The following RBM19 variants were observed in gnomAD, a reference collection of about 807,000 sequenced individuals.
The protein encoded by RBM19 is probable RNA-binding protein 19.
Under a neutral mutation model 116.8 loss-of-function variants are expected in RBM19, and 94 were observed. The observed-to-expected ratio is 0.80, with a 90% confidence interval of 0.68 to 0.95. The LOEUF is 0.95. RBM19 is among the 40% of genes least tolerant of loss of function. The pLI, the probability that RBM19 is intolerant of heterozygous loss-of-function variation, is 0.00. For synonymous variants in RBM19, 475 were observed against 494.1 expected, an observed-to-expected ratio of 0.96 and a Z score of 0.51; for missense variants, 1,161 against 1,220.7, an observed-to-expected ratio of 0.95 and a Z score of 0.73.
At chr12:113,885,575 G>A in intron 21 of RBM19, among the ~76,000 whole-genome samples, 1 of 152,050 alleles carries the variant, frequency 6.6e-6, no homozygotes. Flanking sequence ...TTAATTTCCT[G>A]GTTTTGATAA....
At chr12:113,918,186 A>AACACTG (rs1318959540) in intron 20 of RBM19, among the ~76,000 whole-genome samples, 3 of 152,308 alleles carry the variant, frequency 2.0e-5, no homozygotes, top group African/African-American at 7.2e-5. Flanking sequence ...CCAAAGGACT[A>AACACTG]ACACTGTTGT....
downstream of RBM19, among the ~76,000 whole-genome samples, chr12:113,820,910 C>T (rs1183355790): frequency 2.0e-5 from 3 of 151,886 alleles, no homozygotes; most frequent in African/African-American, 7.3e-5. Flanking sequence ...CCCAGCTCAC[C>T]AGCTTTCTTT....
intron 21 of RBM19, among the ~76,000 whole-genome samples, chr12:113,873,689 T>TAAAAAAAAAAAAAAAAAAA (rs146761765): frequency 7.8e-6 from 1 of 127,692 alleles, no homozygotes; most frequent in Non-Finnish European, 1.6e-5. Context: ...AAAAATAAAT[T>TAAAAAAAAAAAAAAAAAAA]AAAAAAAAAA....
In RBM19 at chr12:113,875,335, T is replaced by C. The variant is rs537618958; in HGVS notation, c.2559-16439A>G. 1.1e-3 allele frequency among the ~76,000 whole-genome samples: 167 copies of C among 152,104 alleles called. 2 individuals are homozygous for C. Among genetic ancestry groups the C allele is most frequent in the African/African-American group, 3.9e-3 (163 of 41,484 alleles). On this transcript the variant is annotated intron_variant, in intron 21 of 23. Transcript: ENST00000261741. ...GGAAGGGTTGAAATGAATCTGCGAG[T>C]TGGACCATTTGTTTGAGGCCAAATA...
At chr12:113,932,446 AC>A (rs1869687993) in intron 16 of RBM19, 1 of 152,196 alleles carries the variant, frequency 6.6e-6, no homozygotes, top group Admixed American at 6.5e-5. Context: ...AGATAAGACA[AC>A]CCAGTGTGGG....
chr12:113,952,043 A>G (rs1390428130), intron 8 of RBM19, among the ~76,000 whole-genome samples: 1 of 152,202 alleles, frequency 6.6e-6, no homozygotes, highest in Non-Finnish European at 1.5e-5. Flanking sequence ...CACACTGCTC[A>G]TCTCAGGATG....
intron 21 of RBM19, among the ~76,000 whole-genome samples, chr12:113,906,055 GC>G (rs1478969070): frequency 6.6e-6 from 1 of 152,214 alleles, no homozygotes; most frequent in Non-Finnish European, 1.5e-5. Flanking sequence ...TTGGAAACCT[GC>G]CTGGAAATAA....
At chr12:113,886,679 C>CTTTTGTTTTTGTTTTTGT (rs10622695) in intron 21 of RBM19, among the ~76,000 whole-genome samples, 2 of 151,526 alleles carry the variant, frequency 1.3e-5, no homozygotes, top group South Asian at 2.1e-4. Context: ...TTTGTTTTTG[C>CTTTTGTTTTTGTTTTTGT]TTTTGTTTTT....
At chr12:113,948,181 T>C (rs762678049) in intron 10 of RBM19, among the ~76,000 whole-genome samples, 3 of 152,254 alleles carry the variant, frequency 2.0e-5, no homozygotes, top group Non-Finnish European at 2.9e-5. Context: ...AGCTGGCCTC[T>C]GAATAGACAT....
At chr12:113,915,113 G>T in intron 20 of RBM19, 28 bp from the exon 21 acceptor site, 1 of 1,562,702 alleles carries the variant, frequency 6.4e-7, no homozygotes. Flanking sequence ...GAGGGTCCAA[G>T]TTATTCGGAG....
chr12:113,952,623 C>T, intron 7 of RBM19, 33 bp from the exon 8 acceptor site: 1 of 1,567,924 alleles, frequency 6.4e-7, no homozygotes, highest in Non-Finnish European at 8.8e-7. Context: ...CCTTACCAAC[C>T]ACATAATAAA....
chr12:113,857,009 A>C (rs1877963404), intron 22 of RBM19, among the ~76,000 whole-genome samples: 1 of 152,230 alleles, frequency 6.6e-6, no homozygotes, highest in Non-Finnish European at 1.5e-5. Context: ...TTGTAACAAC[A>C]AGCTCTTGCA....
intron 1 of RBM19, among the ~76,000 whole-genome samples, chr12:113,965,218 A>G (rs1872769228): frequency 6.6e-6 from 1 of 151,630 alleles, no homozygotes; most frequent in Non-Finnish European, 1.5e-5. Context: ...AGTTGCAGTG[A>G]GCCGAGACTG....
chr12:113,841,188 T>C (rs1051474275), intron 23 of RBM19, among the ~76,000 whole-genome samples: 4 of 152,182 alleles, frequency 2.6e-5, no homozygotes, highest in African/African-American at 9.7e-5. Flanking sequence ...ATCTGTACAA[T>C]GGGGACAATG....
intron 18 of RBM19, among the ~76,000 whole-genome samples, chr12:113,923,539 C>G (rs1430838873): frequency 5.3e-5 from 8 of 152,202 alleles, no homozygotes; most frequent in Non-Finnish European, 1.2e-4. Flanking sequence ...GGGGAAAAGT[C>G]AAAACTCTTC....
chr12:113,879,677 TGTATCCATAA>T (rs1227840836), intron 21 of RBM19, among the ~76,000 whole-genome samples: 3 of 152,032 alleles, frequency 2.0e-5, no homozygotes, highest in Non-Finnish European at 4.4e-5. Flanking sequence ...CCTTGATCCC[TGTATCCATAA>T]TGCCCAGGAG....
chr12:113,947,240 G>A lies in RBM19; in HGVS notation c.1407+94C>T, dbSNP rs886838935. ...ATTTTCTTAGGCCCACAAAGTGGACGCCCGTGTCCACACACATACACACAC... is the reference window on the plus strand; with the variant it reads ...ATTTTCTTAGGCCCACAAAGTGGACACCCGTGTCCACACACATACACACAC... On this transcript the variant is annotated intron_variant, in intron 11 of 23. Coordinates refer to ENST00000261741, the MANE Select transcript of RBM19 (RefSeq NM_016196.4). 1.1e-5 allele frequency: 15 copies of A among 1,397,302 alleles called. No individual in the cohort carries two copies. The Admixed American group carries it at 1.4e-4, about 13-fold the overall frequency. 86.6% of individuals were successfully genotyped at this position (1,397,302 alleles called of 1,614,324 possible).
intron 20 of RBM19, 96 bp from the exon 21 acceptor site, chr12:113,915,181 G>C: frequency 9.5e-7 from 1 of 1,051,954 alleles, no homozygotes; most frequent in South Asian, 1.3e-5. Context: ...ATATTCAGGT[G>C]ATGGATTCAA....
intron 6 of RBM19, among the ~76,000 whole-genome samples, chr12:113,957,364 T>C (rs192839860): frequency 6.6e-6 from 1 of 152,160 alleles, no homozygotes; most frequent in East Asian, 1.9e-4. Context: ...TCACTTGAGG[T>C]CAGGAGTTTG....
Sources: allele counts gnomAD v4.1 joint callset (sites outside exome capture counted in the v4.1 genomes callset), GRCh38; gene constraint gnomAD v4.1.1; transcripts MANE v1.5; gene names NCBI Gene and HGNC (gene_info 2026-07-23, HGNC 2026-07-21).